IL6R: variants seen among roughly 807,000 people sequenced by gnomAD.
IL6R encodes interleukin 6 receptor, also known as interleukin-6 receptor subunit alpha.
Under a neutral mutation model 48.3 loss-of-function variants are expected in IL6R, and 38 were observed. That is an observed-to-expected ratio of 0.79 (90% confidence interval 0.61 to 1.03). IL6R has a LOEUF of 1.03. IL6R is among the 50% of genes least tolerant of loss of function. The probability of loss-of-function intolerance (pLI) is 0.00; values close to 1 mark genes in which losing one functional copy is unlikely to be tolerated. For synonymous variants in IL6R, 264 were observed against 256.2 expected (o/e 1.03, Z -0.29); for missense variants, 534 against 618.3 (o/e 0.86, Z 1.45).
At chr1:154,439,737 G>A (rs1331642239) in intron 6 of IL6R, among the ~76,000 whole-genome samples, 1 of 152,162 alleles carries the variant, frequency 6.6e-6, no homozygotes, top group Non-Finnish European at 1.5e-5. Flanking sequence ...CTGTTAAACA[G>A]TAACTTTCCT....
chr1:154,457,967 C>CTTTT (rs1307922193), intron 9 of IL6R, among the ~76,000 whole-genome samples: 1 of 91,690 alleles, frequency 1.1e-5, no homozygotes, highest in Non-Finnish European at 2.6e-5. Flanking sequence ...TTTTCTTTTT[C>CTTTT]TTTTTTTTTT....
chr1:154,445,072 T>G (rs941593607), intron 6 of IL6R: 1 of 455,742 alleles, frequency 2.2e-6, no homozygotes, highest in African/African-American at 2.0e-5. Flanking sequence ...CCATCCCGGG[T>G]GGCATTTGGG....
At chr1:154,420,687 C>A (rs1019785957) in intron 1 of IL6R, among the ~76,000 whole-genome samples, 3 of 151,590 alleles carry the variant, frequency 2.0e-5, no homozygotes, top group African/African-American at 7.3e-5. Context: ...AGGCACACAC[C>A]ACCAAGCCTG....
rs1213245540 is a variant in IL6R, at chr1:154,466,361, T to C, written c.*981T>C. Reference sequence around the variant, plus strand: ...CCTGGGTAACTAGGGAAGATAATATTAAGGAAGACAATGTGAAAAGAAAAA... The same window carrying C: ...CCTGGGTAACTAGGGAAGATAATATCAAGGAAGACAATGTGAAAAGAAAAA... On this transcript the variant is annotated 3_prime_UTR_variant, in exon 10 of 10. Coordinates refer to ENST00000368485, the MANE Select transcript of IL6R (RefSeq NM_000565.4). The C allele has an allele frequency of 6.6e-6, 1 of 152,216 alleles. No homozygotes were observed. The highest frequency in any genetic ancestry group is 2.4e-5 in the African/African-American group (1 of 41,450). The allele number at this position is 152,216 out of a possible 1,614,324, so 9.4% of individuals were successfully genotyped here.
chr1:154,458,471 G>A (rs1691048970), intron 9 of IL6R, among the ~76,000 whole-genome samples: 1 of 152,210 alleles, frequency 6.6e-6, no homozygotes, highest in South Asian at 2.1e-4. Flanking sequence ...ATACCCTCCT[G>A]TGTTCTGGCT....
intron 9 of IL6R, among the ~76,000 whole-genome samples, chr1:154,458,677 G>T (rs1414649680): frequency 6.6e-6 from 1 of 152,180 alleles, no homozygotes; most frequent in African/African-American, 2.4e-5. Context: ...AAGGCAAGTG[G>T]ATCACCTGAG....
chr1:154,421,941 T>A (rs4601580), intron 1 of IL6R, among the ~76,000 whole-genome samples: 78,845 of 150,552 alleles, frequency 0.52, 20,906 homozygotes, highest in Middle Eastern at 0.62. Flanking sequence ...CTTTTTTTTT[T>A]AATTATTATT....
chr1:154,448,422 A>G (rs1427671628), intron 7 of IL6R, among the ~76,000 whole-genome samples: 1 of 152,222 alleles, frequency 6.6e-6, no homozygotes, highest in African/African-American at 2.4e-5. Context: ...CTGCTATTTC[A>G]TCTCTGAGCT....
At position 154,405,529 on chromosome 1, in the gene IL6R, G is replaced by GTCCCC; in HGVS notation, c.-101_-100insTCCCC. 34 of 388,508 alleles carry GTCCCC rather than the reference G, an allele frequency of 8.8e-5. No homozygotes were observed. The highest frequency in any genetic ancestry group is 2.0e-4 in the South Asian group (8 of 40,874). The allele number at this position is 388,508 out of a possible 1,614,324, so 24.1% of individuals were successfully genotyped here. On this transcript the variant is annotated 5_prime_UTR_variant, in exon 1 of 10. Transcript: ENST00000368485. This position sits in a 1 kb window ranked among gnomAD's most constrained non-coding sequence, Gnocchi z 5.2. ...CTGCCCCCGGGGCCTGAGCCCGCCT[G>GTCCCC]CCCGCCCACCGCCCCGCCCCGCCCC...
intron 1 of IL6R, among the ~76,000 whole-genome samples, 177 bp from the exon 2 acceptor site, chr1:154,429,019 G>A (rs1689136080): frequency 6.6e-6 from 1 of 152,148 alleles, no homozygotes; most frequent in African/African-American, 2.4e-5. Context: ...GCAGCTGGAT[G>A]GTGAAGACCA....
Position 154,458,216 on chromosome 1 carries a change from C to T in IL6R, c.1160+3635C>T, listed in dbSNP as rs1282066097. Among the ~76,000 whole-genome samples the T allele has an allele frequency of 3.3e-5, 5 of 152,152 alleles. No individual in the cohort carries two copies. The South Asian group carries it at 6.2e-4, about 19-fold the overall frequency. The stretch of plus-strand genomic sequence containing the variant: ...CGATCTCCTGACCTCGTGATCCACC[C>T]GCCTTGGCCTCCCAAAGTGCTGGGA... On this transcript the variant is annotated intron_variant, in intron 9 of 9. Coordinates refer to ENST00000368485, the MANE Select transcript of IL6R (RefSeq NM_000565.4).
intron 9 of IL6R, among the ~76,000 whole-genome samples, chr1:154,461,450 C>T (rs773014129): frequency 1.3e-5 from 2 of 152,176 alleles, no homozygotes; most frequent in Non-Finnish European, 2.9e-5. Context: ...GACCAAGGAG[C>T]GCTCCAGCGG....
intron 9 of IL6R, among the ~76,000 whole-genome samples, chr1:154,462,043 A>C (rs902490301): frequency 1.3e-5 from 2 of 152,220 alleles, no homozygotes; most frequent in African/African-American, 4.8e-5. Context: ...GCAGATGGTC[A>C]GTGTCTAGGG....
At chr1:154,463,438 A>T (rs1308992779) in intron 9 of IL6R, among the ~76,000 whole-genome samples, 1 of 152,220 alleles carries the variant, frequency 6.6e-6, no homozygotes, top group Non-Finnish European at 1.5e-5. Flanking sequence ...CCAACTATTA[A>T]TTATTTATCA....
intron 5 of IL6R, among the ~76,000 whole-genome samples, chr1:154,435,622 T>C (rs1016543978): frequency 3.9e-5 from 6 of 152,254 alleles, no homozygotes; most frequent in Admixed American, 1.3e-4. Context: ...TTCTGAGCCT[T>C]GGTGGTATAT....
chr1:154,409,060 T>A (rs1332684536), intron 1 of IL6R, among the ~76,000 whole-genome samples: 1 of 152,080 alleles, frequency 6.6e-6, no homozygotes. Flanking sequence ...GGTGGGAGAA[T>A]CACTTGAGTC....
At chr1:154,461,447 GAGCGCTCCAGCGGCCCT>G (rs1332653609) in intron 9 of IL6R, among the ~76,000 whole-genome samples, 1 of 152,196 alleles carries the variant, frequency 6.6e-6, no homozygotes, top group Non-Finnish European at 1.5e-5. Flanking sequence ...CTTGACCAAG[GAGCGCTCCAGCGGCCCT>G]TATGCCGGCA....
chr1:154,412,905 C>G (rs1330891628), intron 1 of IL6R, among the ~76,000 whole-genome samples: 2 of 151,498 alleles, frequency 1.3e-5, no homozygotes, highest in African/African-American at 4.9e-5. Flanking sequence ...CTGTAGACCC[C>G]TGCTCCTGTG....
Position 154,430,609 on chromosome 1 carries a change from A to G in IL6R, c.458+3A>G. On this transcript the variant is annotated splice_donor_region_variant and intron_variant, in intron 3 of 9. Coordinates refer to ENST00000368485, the MANE Select transcript of IL6R (RefSeq NM_000565.4). ...GCTGTGCTCTTGGTGAGGAAGTTGT[A>G]AGTATCTTGGGCTGAGCTATGTGCA... 3.1e-6 allele frequency: 5 copies of G among 1,614,096 alleles called. No individual in the cohort carries two copies. The highest frequency in any genetic ancestry group is 4.2e-6 in the Non-Finnish European group (5 of 1,179,986).
Sources: allele counts gnomAD v4.1 joint callset (sites outside exome capture counted in the v4.1 genomes callset), GRCh38; gene constraint gnomAD v4.1.1; non-coding constraint Gnocchi (gnomAD v3.1); transcripts MANE v1.5; gene names NCBI Gene and HGNC (gene_info 2026-07-23, HGNC 2026-07-21).